KIF15: variants seen among roughly 807,000 people sequenced by gnomAD.
The protein encoded by KIF15 is kinesin-like protein KIF15.
Under a neutral mutation model 190.6 loss-of-function variants are expected in KIF15, and 140 were observed. The observed-to-expected ratio is 0.73, with a 90% confidence interval of 0.64 to 0.84. The LOEUF is 0.84. Ranked by LOEUF, KIF15 falls within the 40% of genes least tolerant of loss-of-function variation. KIF15 has a pLI of 0.00. For missense variants in KIF15, 1,372 were observed against 1,584.4 expected (o/e 0.87, Z 2.28); for synonymous variants, 528 against 551.3 (o/e 0.96, Z 0.59).
intron 6 of KIF15, among the ~76,000 whole-genome samples, chr3:44,860,163 A>G (rs1316841738): frequency 6.6e-6 from 1 of 152,162 alleles, no homozygotes; most frequent in Non-Finnish European, 1.5e-5. Context: ...TAGTAGAGGC[A>G]TCGTTTGTTC....
intron 20 of KIF15, among the ~76,000 whole-genome samples, chr3:44,819,076 G>C (rs1210829193): frequency 6.6e-6 from 1 of 152,150 alleles, no homozygotes; most frequent in Non-Finnish European, 1.5e-5. Context: ...ATTTCTGTGG[G>C]ATAGGTGGTG....
At chr3:44,861,837 G>A (rs1041607712) in intron 6 of KIF15, 1 of 1,365,578 alleles carries the variant, frequency 7.3e-7, no homozygotes, top group Non-Finnish European at 9.9e-7. Flanking sequence ...CGTCACAGGA[G>A]CGTCGCGTCA....
At chr3:44,773,440 G>A (rs1705730550) in intron 1 of KIF15, among the ~76,000 whole-genome samples, 1 of 152,198 alleles carries the variant, frequency 6.6e-6, no homozygotes, top group Non-Finnish European at 1.5e-5. Context: ...CAGAAGGGGA[G>A]GGATGCAAGG....
Position 44,794,407 on chromosome 3 carries a change from C to G in KIF15, c.830C>G (p.Ala277Gly), listed in dbSNP as rs1352533965. 1 of 1,603,980 alleles carries G rather than the reference C, an allele frequency of 6.2e-7. No individual in the cohort carries two copies. Among genetic ancestry groups the G allele is most frequent in the Admixed American group, 1.7e-5 (1 of 58,764 alleles). ...TCTGAAAGGCAAAAAGATACCCATG[C>G]AGAAGGGATGAGATTGAAGGTAAGA... ...AGSERQKDTHAEGMRLKEAGN... is the reference protein window; with the variant it reads ...AGSERQKDTHGEGMRLKEAGN... The change falls in exon 8 of 35, where the codon GCA becomes GGA. Residue 277 changes from alanine to glycine, a missense_variant. Transcript: ENST00000326047.
intron 11 of KIF15, 83 bp downstream of exon 11, chr3:44,800,520 A>G (rs1182780061): frequency 6.7e-7 from 1 of 1,484,290 alleles, no homozygotes; most frequent in African/African-American, 1.4e-5. Flanking sequence ...ACACAACACA[A>G]TAAGGCAACC....
At chr3:44,777,745 C>G (rs1264994001) in intron 3 of KIF15, among the ~76,000 whole-genome samples, 1 of 152,234 alleles carries the variant, frequency 6.6e-6, no homozygotes, top group South Asian at 2.1e-4. Context: ...AGTAAGACTG[C>G]ATCTCCTTGT....
chr3:44,799,648 A>G (rs1707167447), intron 10 of KIF15, among the ~76,000 whole-genome samples: 1 of 150,368 alleles, frequency 6.7e-6, no homozygotes, highest in African/African-American at 2.5e-5. Context: ...CACTCTTGAC[A>G]TCCTGCCCCA....
At position 44,851,848 on chromosome 3, in the gene KIF15, G is replaced by A; in HGVS notation, c.3868G>A (p.Glu1290Lys). The A allele has an allele frequency of 4.3e-6, 7 of 1,614,012 alleles. No homozygotes were observed. Among genetic ancestry groups the A allele is most frequent in the Non-Finnish European group, 5.9e-6 (7 of 1,179,918 alleles). The part of the protein sequence containing the change: ...KEMECLRMTD[E>K]VERTQTLESK... ...GATGGAATGCCTTAGAATGACTGAT[G>A]AAGTCGAACGAACCCAAACTTTGGA... Residue 1290 changes from glutamate (E) to lysine (K), a missense_variant, in exon 33 of 35, where the codon GAA (glutamate) becomes AAA (lysine). Physicochemically the swap from Glu to Lys is moderately conservative, Grantham distance 56. Coordinates refer to ENST00000326047, the MANE Select transcript of KIF15 (RefSeq NM_020242.3).
intron 30 of KIF15, among the ~76,000 whole-genome samples, chr3:44,847,642 C>G (rs1698907128): frequency 6.6e-6 from 1 of 152,198 alleles, no homozygotes; most frequent in South Asian, 2.1e-4. Context: ...TTGGCTCTTT[C>G]TTTCAGCCCC....
intron 32 of KIF15, among the ~76,000 whole-genome samples, chr3:44,849,636 T>C (rs1698990457): frequency 6.6e-6 from 1 of 152,150 alleles, no homozygotes; most frequent in Admixed American, 6.5e-5. Flanking sequence ...AGTTCCTTTC[T>C]ACACCCTGCA....
At chr3:44,799,370 C>T (rs973933678) in intron 10 of KIF15, 2 of 455,646 alleles carry the variant, frequency 4.4e-6, no homozygotes, top group East Asian at 6.9e-5. Flanking sequence ...TAAATTTTTC[C>T]GTGAGCAAAT....
downstream of KIF15, among the ~76,000 whole-genome samples, chr3:44,858,213 G>C (rs1699207335): frequency 6.6e-6 from 1 of 152,202 alleles, no homozygotes; most frequent in Non-Finnish European, 1.5e-5. Flanking sequence ...GGACTAAAGA[G>C]TGTACAGGTT....
At chr3:44,790,369 G>A (rs1706628069) in intron 7 of KIF15, among the ~76,000 whole-genome samples, 1 of 152,014 alleles carries the variant, frequency 6.6e-6, no homozygotes, top group Admixed American at 6.6e-5. Flanking sequence ...ATTAGAGATG[G>A]GGTTTTGTCA....
At position 44,802,807 on chromosome 3, in the gene KIF15, G is replaced by A; in HGVS notation, c.1510-7G>A. 6.4e-7 allele frequency: 1 copy of A among 1,554,870 alleles called. No homozygotes were observed. The highest frequency in any genetic ancestry group is 8.6e-7 in the Non-Finnish European group (1 of 1,158,552). ...TATATAATGCGTGTAATTCTTCTAT[G>A]TCACAGATAGAGCACCACCCCAGAG... On this transcript the variant is annotated splice_region_variant and splice_polypyrimidine_tract_variant and intron_variant, in intron 13 of 34. Coordinates refer to ENST00000326047, the MANE Select transcript of KIF15 (RefSeq NM_020242.3).
At chr3:44,839,593 C>T (rs909652980) in intron 27 of KIF15, among the ~76,000 whole-genome samples, 1 of 152,092 alleles carries the variant, frequency 6.6e-6, no homozygotes, top group Non-Finnish European at 1.5e-5. Context: ...CTGTAATCAC[C>T]ATGCCCTGCA....
intron 20 of KIF15, among the ~76,000 whole-genome samples, chr3:44,818,489 T>C (rs1269977037): frequency 6.6e-6 from 1 of 152,262 alleles, no homozygotes; most frequent in Non-Finnish European, 1.5e-5. Context: ...TTTCTGCATC[T>C]ATTGAGATAA....
intron 18 of KIF15, 59 bp from the exon 19 acceptor site, chr3:44,813,016 G>T: frequency 3.1e-6 from 3 of 977,084 alleles, no homozygotes; most frequent in Non-Finnish European, 4.6e-6. Context: ...TTAATGATTT[G>T]GAGTGCATCT....
chr3:44,852,077 G>T lies in KIF15; in HGVS notation c.3972+125G>T. The T allele has an allele frequency of 2.1e-6, 3 of 1,421,018 alleles. No individual in the cohort carries two copies. The South Asian group carries it at 4.2e-5, about 20-fold the overall frequency. 88.0% of individuals were successfully genotyped at this position (1,421,018 alleles called of 1,614,324 possible). On this transcript the variant is annotated intron_variant, in intron 33 of 34. Coordinates refer to ENST00000326047, the MANE Select transcript of KIF15 (RefSeq NM_020242.3). ...GAGTTGCTTTATTGTATGAAGAGTT[G>T]TGAGGCCTTGAAAGCTGGGATTCTG... is the stretch of plus-strand genomic sequence containing the variant.
At chr3:44,789,645 TATATATATATATATATATATATA>T (rs1706579465) in intron 7 of KIF15, among the ~76,000 whole-genome samples, 186 of 3,024 alleles carry the variant, frequency 0.062, 3 homozygotes, top group Non-Finnish European at 0.062. Flanking sequence ...TCTAATTTTA[TATATATATATATATATATATATA>T]TATATATATA....
Sources: allele counts gnomAD v4.1 joint callset (sites outside exome capture counted in the v4.1 genomes callset), GRCh38; gene constraint gnomAD v4.1.1; transcripts MANE v1.5; gene names NCBI Gene and HGNC (gene_info 2026-07-23, HGNC 2026-07-21).